Variants in GSE1 observed in about 807,000 individuals in gnomAD.
The protein encoded by GSE1 is Gse1 coiled-coil protein, also known as genetic suppressor element 1.
GSE1 carries 32 observed loss-of-function variants against 112.6 expected under a neutral mutation model. The observed-to-expected ratio is 0.28, with a 90% CI of 0.21 to 0.38. GSE1 has a LOEUF of 0.38. Ranked by LOEUF, GSE1 falls within the 10% of genes least tolerant of loss-of-function variation. The pLI is 1.00. For missense variants in GSE1, 2,348 were observed against 1,699.2 expected, an observed-to-expected ratio of 1.38 and a Z score of -6.71; for synonymous variants, 1,115 against 735.6, an observed-to-expected ratio of 1.52 and a Z score of -8.35.
intron 1 of GSE1, among the ~76,000 whole-genome samples, chr16:85,572,232 G>T (rs1004767019): frequency 1.9e-5 from 2 of 104,242 alleles, no homozygotes; most frequent in African/African-American, 7.7e-5. Flanking sequence ...CATACCACAC[G>T]TACAAAACAC....
chr16:85,243,188 A>G (rs559529678), intron 1 of GSE1, among the ~76,000 whole-genome samples: 1 of 152,340 alleles, frequency 6.6e-6, no homozygotes, highest in East Asian at 1.9e-4. Context: ...CCTGATACAA[A>G]TGACCACACA....
chr16:85,619,100 C>A (rs113561518), intron 1 of GSE1, among the ~76,000 whole-genome samples: 3,030 of 152,310 alleles, frequency 0.02, 97 homozygotes, highest in African/African-American at 0.069. Flanking sequence ...CCACAGCAGA[C>A]CCTGCCGGCC....
intron 2 of GSE1, among the ~76,000 whole-genome samples, chr16:85,470,125 T>G (rs1466324000): frequency 6.6e-6 from 1 of 152,230 alleles, no homozygotes; most frequent in East Asian, 1.9e-4. Flanking sequence ...CATGTTCCGC[T>G]TTTTATCACC....
At chr16:85,463,206 G>GTTCCAGCCCCTGGT in intron 2 of GSE1, 2 of 674,676 alleles carry the variant, frequency 3.0e-6, no homozygotes, top group Non-Finnish European at 3.7e-6. Context: ...CACCCACCCG[G>GTTCCAGCCCCTGGT]GGCTGGAACC....
At chr16:85,519,934 A>G (rs1276775387) in intron 2 of GSE1, among the ~76,000 whole-genome samples, 2 of 152,084 alleles carry the variant, frequency 1.3e-5, no homozygotes, top group Non-Finnish European at 2.9e-5. Flanking sequence ...TGCCCTCTAT[A>G]CTTGGGAAAG....
intron 2 of GSE1, among the ~76,000 whole-genome samples, chr16:85,367,165 C>T (rs1339873604): frequency 2.6e-5 from 4 of 152,232 alleles, no homozygotes; most frequent in Non-Finnish European, 4.4e-5. Context: ...TGTGGGTTTA[C>T]GCGGTTTGAA....
At chr16:85,221,218 G>C (rs999360670) in intron 1 of GSE1, among the ~76,000 whole-genome samples, 1 of 151,916 alleles carries the variant, frequency 6.6e-6, no homozygotes, top group Admixed American at 6.6e-5. Context: ...CTGGGCGGGC[G>C]GGGGGCCGGG....
Position 85,257,362 on chromosome 16 carries a change from C to T in GSE1, c.2283+85555C>T, listed in dbSNP as rs575546315. On this transcript the variant is annotated intron_variant, in intron 1 of 2. Transcript: ENST00000637419. ...TTAACCTCAGGTGATCCTCCTGCCT[C>T]GGCCTCCCAAAGTGCTGGGATTACA... Among the ~76,000 whole-genome samples the T allele has an allele frequency of 8.5e-5, 13 of 152,268 alleles. No individual in the cohort carries two copies. In the South Asian group the frequency reaches 1.2e-3, roughly 15 times the overall value.
At chr16:85,417,947 C>G (rs2048741756) in intron 2 of GSE1, among the ~76,000 whole-genome samples, 1 of 152,260 alleles carries the variant, frequency 6.6e-6, no homozygotes, top group African/African-American at 2.4e-5. Context: ...TCAAGCGATT[C>G]TCTGCCTCAG....
intron 1 of GSE1, among the ~76,000 whole-genome samples, chr16:85,309,263 C>T (rs7206815): frequency 1.7e-4 from 26 of 152,058 alleles, no homozygotes; most frequent in Non-Finnish European, 1.2e-4. Context: ...CTTTGGGAGG[C>T]CAACTAGAGG....
chr16:85,620,166 G>C (rs2048641028), intron 1 of GSE1, among the ~76,000 whole-genome samples: 1 of 152,126 alleles, frequency 6.6e-6, no homozygotes, highest in Non-Finnish European at 1.5e-5. Flanking sequence ...TGCGCCTGTG[G>C]TTCCAGCTAC....
At chr16:85,646,329 A>C (rs866930078) in intron 2 of GSE1, among the ~76,000 whole-genome samples, 1 of 152,220 alleles carries the variant, frequency 6.6e-6, no homozygotes, top group Admixed American at 6.5e-5. Context: ...AAGGTGCCCA[A>C]TTGTACCACA....
chr16:85,388,319 G>GGATGT (rs2047743314), intron 2 of GSE1, among the ~76,000 whole-genome samples: 1 of 62,396 alleles, frequency 1.6e-5, no homozygotes, highest in Admixed American at 1.4e-4. Flanking sequence ...TGGATGGATG[G>GGATGT]ATGGATGGAT....
At chr16:85,614,247 C>T (rs917330280) in intron 1 of GSE1, among the ~76,000 whole-genome samples, 2 of 152,200 alleles carry the variant, frequency 1.3e-5, no homozygotes, top group African/African-American at 4.8e-5. Context: ...CCTGCGGCCG[C>T]GCTGATGGGC....
At chr16:85,304,601 C>CGGTG (rs1555557423) in intron 1 of GSE1, among the ~76,000 whole-genome samples, 1 of 78,178 alleles carries the variant, frequency 1.3e-5, no homozygotes, top group African/African-American at 4.5e-5. Context: ...AAGCCGGGGG[C>CGGTG]GGGGGGGTGG....
chr16:85,224,748 G>A (rs975656657), intron 1 of GSE1, among the ~76,000 whole-genome samples: 1 of 152,094 alleles, frequency 6.6e-6, no homozygotes, highest in African/African-American at 2.4e-5. Context: ...CCAGCACTTT[G>A]GGAGGCTGAG....
At chr16:85,534,467 G>A (rs549325850) in intron 2 of GSE1, among the ~76,000 whole-genome samples, 3 of 152,208 alleles carry the variant, frequency 2.0e-5, no homozygotes, top group Admixed American at 6.5e-5. Flanking sequence ...ATAACATTAC[G>A]TGGAATCCTG....
intron 1 of GSE1, among the ~76,000 whole-genome samples, chr16:85,310,683 C>T (rs1198933666): frequency 1.3e-5 from 2 of 152,020 alleles, no homozygotes; most frequent in African/African-American, 2.4e-5. Context: ...CAGGAGGGCC[C>T]GCTGGGGCCC....
intron 2 of GSE1, among the ~76,000 whole-genome samples, chr16:85,430,908 G>T (rs1020209234): frequency 6.6e-6 from 1 of 152,206 alleles, no homozygotes; most frequent in African/African-American, 2.4e-5. Context: ...CTGGGAGCCT[G>T]CGTTCCCACC....
Sources: gnomAD v4.1 joint callset for allele counts (sites outside exome capture counted in the v4.1 genomes callset) on GRCh38, gnomAD v4.1.1 for gene constraint, MANE v1.5 for transcripts, NCBI Gene and HGNC (gene_info 2026-07-23, HGNC 2026-07-21) for gene names.